The following RBFOX1 variants were observed in gnomAD, a reference collection of about 807,000 sequenced individuals.
RBFOX1 encodes RNA binding fox-1 homolog 1.
Under a neutral mutation model 57.7 loss-of-function variants are expected in RBFOX1, and 8 were observed. The ratio of observed to expected loss-of-function variants is 0.14; its 90% CI spans 0.08 to 0.25. RBFOX1 has a LOEUF of 0.25. Ranked by LOEUF, RBFOX1 falls within the 10% of genes least tolerant of loss-of-function variation. The pLI, the probability that RBFOX1 is intolerant of heterozygous loss-of-function variation, is 1.00. For missense variants in RBFOX1, 611 were observed against 548.5 expected (o/e 1.11, Z -1.14); for synonymous variants, 326 against 222.4 (o/e 1.47, Z -4.15).
intron 4 of RBFOX1, among the ~76,000 whole-genome samples, chr16:7,239,847 A>T (rs1002997266): frequency 7.2e-5 from 11 of 152,096 alleles, no homozygotes; most frequent in Non-Finnish European, 2.9e-5. Flanking sequence ...TCTACTTGAA[A>T]CTACTACTTG....
intron 4 of RBFOX1, among the ~76,000 whole-genome samples, chr16:7,296,482 A>G (rs181138618): frequency 5.9e-5 from 9 of 152,260 alleles, no homozygotes; most frequent in Non-Finnish European, 1.0e-4. Flanking sequence ...TCTGAGAATC[A>G]TTATAGTTCT....
At chr16:5,412,159 G>C (rs2067039113) in intron 1 of RBFOX1, among the ~76,000 whole-genome samples, 1 of 151,906 alleles carries the variant, frequency 6.6e-6, no homozygotes, top group Admixed American at 6.6e-5. Context: ...CCAGGTTCTG[G>C]ACCCACACAG....
chr16:7,136,225 G>A (rs1000071419), intron 4 of RBFOX1, among the ~76,000 whole-genome samples: 5 of 151,982 alleles, frequency 3.3e-5, no homozygotes, highest in African/African-American at 1.2e-4. Context: ...TCGTCCATAT[G>A]GTAGCCAGTA....
At chr16:6,201,082 T>G (rs1054035924) in intron 1 of RBFOX1, among the ~76,000 whole-genome samples, 3 of 152,156 alleles carry the variant, frequency 2.0e-5, no homozygotes, top group East Asian at 3.9e-4. Flanking sequence ...CTGGCTTATT[T>G]CGCTTAACAT....
rs1399084444 is a variant in RBFOX1, at chr16:6,879,379, C to A, written c.-15-172678C>A. Among the ~76,000 whole-genome samples the A allele has an allele frequency of 2.0e-5, 3 of 152,126 alleles. No individual in the cohort carries two copies. In the East Asian group the frequency reaches 5.8e-4, roughly 29 times the overall value. On this transcript the variant is annotated intron_variant, in intron 3 of 15. Coordinates refer to ENST00000550418, the MANE Select transcript of RBFOX1 (RefSeq NM_018723.4). ...TCCTAATTTCATCTCTCTCTCTGCC[C>A]TGTTTATATTTATTGGATGCTCTGG...
chr16:5,530,826 G>A (rs1447421162), intron 2 of RBFOX1, among the ~76,000 whole-genome samples: 2 of 151,372 alleles, frequency 1.3e-5, no homozygotes, highest in African/African-American at 2.4e-5. Context: ...GGTGGCTCAC[G>A]CCTGTAATCC....
chr16:5,928,412 A>G (rs1384834164), intron 4 of RBFOX1, among the ~76,000 whole-genome samples: 1 of 137,232 alleles, frequency 7.3e-6, no homozygotes. Context: ...TCTCGCCATG[A>G]AAAAAAAAAA....
chr16:6,266,470 T>A (rs1346630345), intron 1 of RBFOX1, among the ~76,000 whole-genome samples: 1 of 152,154 alleles, frequency 6.6e-6, no homozygotes, highest in African/African-American at 2.4e-5. Flanking sequence ...TCCCAGCCTT[T>A]TGGGTGGCCT....
intron 4 of RBFOX1, among the ~76,000 whole-genome samples, chr16:7,475,936 G>A (rs1599396940): frequency 6.6e-6 from 1 of 152,152 alleles, no homozygotes; most frequent in African/African-American, 2.4e-5. Flanking sequence ...ACCTGCAGAA[G>A]AGCCAGTAGA....
At chr16:5,250,173 C>G (rs1368406942) in intron 1 of RBFOX1, among the ~76,000 whole-genome samples, 1 of 151,906 alleles carries the variant, frequency 6.6e-6, no homozygotes, top group Non-Finnish European at 1.5e-5. Flanking sequence ...AAACAAAAAG[C>G]AAAACTTCCT....
chr16:7,221,288 T>G (rs185435314), intron 4 of RBFOX1, among the ~76,000 whole-genome samples: 1 of 152,308 alleles, frequency 6.6e-6, no homozygotes, highest in Admixed American at 6.5e-5. Context: ...GTGATTTGGC[T>G]AGATTATAAA....
At chr16:6,486,140 C>T (rs1347517524) in intron 2 of RBFOX1, among the ~76,000 whole-genome samples, 5 of 111,588 alleles carry the variant, frequency 4.5e-5, no homozygotes, top group Non-Finnish European at 8.3e-5. Flanking sequence ...ACTATAGTTG[C>T]AATATTTGGA....
intron 5 of RBFOX1, among the ~76,000 whole-genome samples, chr16:7,575,155 G>C (rs1024309440): frequency 1.3e-5 from 2 of 152,044 alleles, no homozygotes; most frequent in East Asian, 1.9e-4. Flanking sequence ...CTTTTTTTGA[G>C]ATGGAGTCTC....
At chr16:7,533,281 G>C (rs2080596456) in intron 5 of RBFOX1, among the ~76,000 whole-genome samples, 1 of 152,112 alleles carries the variant, frequency 6.6e-6, no homozygotes, top group African/African-American at 2.4e-5. Flanking sequence ...CTTCCCTGTG[G>C]AACTCCAGAA....
intron 4 of RBFOX1, among the ~76,000 whole-genome samples, chr16:5,900,924 T>G (rs1209421920): frequency 1.3e-5 from 2 of 152,152 alleles, no homozygotes; most frequent in African/African-American, 2.4e-5. Flanking sequence ...AACAAATCTT[T>G]CCCTTGGGAG....
chr16:5,612,253 C>G (rs764232694), intron 3 of RBFOX1, among the ~76,000 whole-genome samples: 5 of 148,352 alleles, frequency 3.4e-5, no homozygotes, highest in Non-Finnish European at 6.0e-5. Flanking sequence ...ATCAGTTCTC[C>G]CATCCATCCA....
In RBFOX1 at chr16:6,188,895, T is replaced by G. The variant is rs534253104; in HGVS notation, c.-126-128100T>G. On this transcript the variant is annotated intron_variant, in intron 1 of 15. Transcript: ENST00000550418. The stretch of plus-strand genomic sequence containing the variant: ...AGTGGACTAAAACACCAGTCTGCTT[T>G]TCTTTTATTAAGAGATCTGTAATAA... 2.5e-4 allele frequency among the ~76,000 whole-genome samples: 36 copies of G among 146,366 alleles called. No homozygotes were observed. The East Asian group carries it at 7.2e-3, about 29-fold the overall frequency.
intron 4 of RBFOX1, among the ~76,000 whole-genome samples, chr16:7,079,116 C>G (rs1288537703): frequency 6.6e-6 from 1 of 152,024 alleles, no homozygotes; most frequent in African/African-American, 2.4e-5. Context: ...GTACCATTCT[C>G]AATCAGCAGG....
chr16:6,676,549 T>G (rs72762993), intron 3 of RBFOX1, among the ~76,000 whole-genome samples: 51,893 of 151,930 alleles, frequency 0.34, 10,396 homozygotes, highest in South Asian at 0.52. Context: ...CCACAAACAT[T>G]TACCCCTATC....
Sources: gnomAD v4.1 joint callset for allele counts (sites outside exome capture counted in the v4.1 genomes callset) on GRCh38, gnomAD v4.1.1 for gene constraint, MANE v1.5 for transcripts, NCBI Gene and HGNC (gene_info 2026-07-23, HGNC 2026-07-21) for gene names.